Variants in PRPH2 observed in about 807,000 individuals in gnomAD.
The protein encoded by PRPH2 is peripherin 2, also known as peripherin-2.
A neutral mutation model predicts 31.3 loss-of-function variants in PRPH2; 17 were observed. The observed-to-expected ratio is 0.54, with a 90% CI of 0.37 to 0.81. The LOEUF is 0.81. Among genes scored for constraint, PRPH2 ranks in the 40% least tolerant of loss-of-function variants. The pLI, the probability that PRPH2 is intolerant of heterozygous loss-of-function variation, is 0.00. For missense variants in PRPH2, 430 were observed against 439.7 expected, an observed-to-expected ratio of 0.98 and a Z score of 0.20; for synonymous variants, 165 against 184.4, an observed-to-expected ratio of 0.89 and a Z score of 0.85.
Position 42,716,614 on chromosome 6 carries a change from T to TGG in PRPH2, c.581+5139_581+5140insCC, listed in dbSNP as rs1253997124. Among the ~76,000 whole-genome samples, 169 of 25,928 alleles carry TGG rather than the reference T, an allele frequency of 6.5e-3. 1 individual carries two copies. The highest frequency in any genetic ancestry group is 0.027 in the African/African-American group (161 of 5,886). 17.0% of individuals were successfully genotyped at this position (25,928 alleles called of 152,430 possible). ...TTTTGTTTGGTTTGGTTTGGTTGGT[T>TGG]TTTTTTTTTTTTTTTTTTTTTTTGA... On this transcript the variant is annotated intron_variant, in intron 1 of 2. Transcript: ENST00000230381.
At chr6:42,709,478 C>T (rs1800235921) in intron 1 of PRPH2, among the ~76,000 whole-genome samples, 1 of 152,176 alleles carries the variant, frequency 6.6e-6, no homozygotes, top group Non-Finnish European at 1.5e-5. Context: ...GCACCTGCTA[C>T]CTGCCAGCTG....
chr6:42,708,388 CCTT>C (rs1275970964), intron 1 of PRPH2, among the ~76,000 whole-genome samples: 2 of 152,234 alleles, frequency 1.3e-5, no homozygotes, highest in Non-Finnish European at 2.9e-5. Context: ...GCTCAGCTGT[CCTT>C]CTGCAGCCCC....
rs1243234861 is a variant in PRPH2, at chr6:42,709,339, A to AC, written c.582-4729_582-4728insG. Among the ~76,000 whole-genome samples, 162 of 140,910 alleles carry AC rather than the reference A, an allele frequency of 1.1e-3. 1 individual carries two copies. Among genetic ancestry groups the AC allele is most frequent in the African/African-American group, 3.9e-3 (151 of 39,212 alleles). 92.4% of individuals were successfully genotyped at this position (140,910 alleles called of 152,430 possible). ...AGTGAGACTCTGTCTCAAATTAAAA[A>AC]AAAAAAAAAAAAAAAACTTGGGTCC... On this transcript the variant is annotated intron_variant, in intron 1 of 2. Transcript: ENST00000230381.
chr6:42,715,369 C>G (rs1761756959), intron 1 of PRPH2, among the ~76,000 whole-genome samples: 1 of 151,866 alleles, frequency 6.6e-6, no homozygotes. Flanking sequence ...GGGCTACTCC[C>G]CTAAGACAGA....
Position 42,698,316 on chromosome 6 carries a change from G to T in PRPH2, c.1020C>A (p.Gly340=). 1.2e-6 allele frequency: 2 copies of T among 1,613,854 alleles called. No individual in the cohort carries two copies. The highest frequency in any genetic ancestry group is 1.7e-6 in the Non-Finnish European group (2 of 1,179,846). The change falls in exon 3 of 3, where the codon GGC becomes GGA. Residue 340 remains glycine, a synonymous_variant. Coordinates refer to ENST00000230381, the MANE Select transcript of PRPH2 (RefSeq NM_000322.5). The stretch of plus-strand genomic sequence containing the variant: ...GCCCTCAGCCAGCCTCTGGGGCCTG[G>T]CCTGCGTCTGCGCCCTCGGCTTCCA... The part of the protein sequence containing the change: ...NQVEAEGADA[G]QAPEAG
Position 42,721,753 on chromosome 6 carries a change from C to T in PRPH2, c.581+1G>A, listed in dbSNP as rs1761904690. On this transcript the variant is annotated splice_donor_variant, in intron 1 of 2. Transcript: ENST00000230381. LOFTEE classifies it high-confidence loss of function. ...TGACCCCAGGACTGGAAGCCACTCA[C>T]TCTTTGACTTCTTTGGAGGAAAAGT... 1 of 1,614,172 alleles carries T rather than the reference C, an allele frequency of 6.2e-7. No homozygotes were observed. The highest frequency in any genetic ancestry group is 8.5e-7 in the Non-Finnish European group (1 of 1,180,036).
intron 1 of PRPH2, among the ~76,000 whole-genome samples, chr6:42,705,281 A>G (rs1800132970): frequency 6.6e-6 from 1 of 152,058 alleles, no homozygotes; most frequent in African/African-American, 2.4e-5. Context: ...AGCGCTTACC[A>G]TACATTCACA....
chr6:42,699,044 CTTCTT>C (rs1800002118), intron 2 of PRPH2, among the ~76,000 whole-genome samples: 2 of 144,724 alleles, frequency 1.4e-5, no homozygotes, highest in Admixed American at 6.9e-5. Context: ...ATGTGTGGTA[CTTCTT>C]TTTTTTTTTT....
Position 42,704,492 on chromosome 6 carries a change from T to TA in PRPH2, c.700dup (p.Tyr234LeufsTer67), listed in dbSNP as rs61755812. On this transcript the variant is annotated frameshift_variant, in exon 2 of 3. Transcript: ENST00000230381. LOFTEE classifies it high-confidence loss of function. ...CTCCTCCGTCTGGTGGTCGTAACTG[T>TA]AGTGTGCTGAGTTGTTGGTGATCTG... The TA allele has an allele frequency of 1.2e-6, 2 of 1,614,102 alleles. No homozygotes were observed. Among genetic ancestry groups the TA allele is most frequent in the Non-Finnish European group, 1.7e-6 (2 of 1,180,002 alleles).
chr6:42,718,880 G>T (rs1291935429), intron 1 of PRPH2, among the ~76,000 whole-genome samples: 1 of 151,998 alleles, frequency 6.6e-6, no homozygotes, highest in African/African-American at 2.4e-5. Flanking sequence ...GCCCAGGCTG[G>T]TCTTGAACTC....
chr6:42,705,470 C>A (rs1800136800), intron 1 of PRPH2, among the ~76,000 whole-genome samples: 2 of 149,782 alleles, frequency 1.3e-5, no homozygotes, highest in African/African-American at 4.9e-5. Flanking sequence ...TGTCTGTAAT[C>A]CCAGCACTTT....
intron 1 of PRPH2, among the ~76,000 whole-genome samples, chr6:42,720,072 T>C (rs778998510): frequency 6.6e-5 from 10 of 152,052 alleles, no homozygotes; most frequent in Non-Finnish European, 1.2e-4. Flanking sequence ...TCCAAGTCAG[T>C]GGAGTTAGGA....
intron 1 of PRPH2, among the ~76,000 whole-genome samples, chr6:42,719,024 G>A (rs1416611461): frequency 6.6e-6 from 1 of 152,094 alleles, no homozygotes; most frequent in Non-Finnish European, 1.5e-5. Flanking sequence ...ATTTTTCTCA[G>A]GGAAATTTAG....
chr6:42,698,470 G>A lies in PRPH2; in HGVS notation c.866C>T (p.Ser289Leu), dbSNP rs62645939. The change falls in exon 3 of 3, where the codon TCG (serine) becomes TTG (leucine). Residue 289 changes from serine (S) to leucine (L), a missense_variant. Transcript: ENST00000230381. The part of the protein sequence containing the change: ...ITIGLRYLQT[S>L]LDGVSNPEES... ...CTCGGGGTTGGACACACCATCCAGC[G>A]ACGTCTGTAGGTAGCGCAGCCCAAT... The A allele has an allele frequency of 9.0e-4, 1,455 of 1,614,206 alleles. No individual in the cohort carries two copies. The highest frequency in any genetic ancestry group is 1.2e-3 in the Non-Finnish European group (1,374 of 1,180,038).
chr6:42,715,511 A>C (rs1429580969), intron 1 of PRPH2, among the ~76,000 whole-genome samples: 1 of 151,936 alleles, frequency 6.6e-6, no homozygotes, highest in Non-Finnish European at 1.5e-5. Flanking sequence ...TCTCTACTAA[A>C]AATACAAAAA....
intron 1 of PRPH2, 68 bp from the exon 2 acceptor site, chr6:42,704,679 C>T: frequency 3.1e-6 from 5 of 1,607,042 alleles, no homozygotes; most frequent in Admixed American, 3.3e-5. Context: ...TTCCTCCCAA[C>T]CCCTGCCTCT....
intron 1 of PRPH2, among the ~76,000 whole-genome samples, chr6:42,709,625 G>T (rs1256048550): frequency 6.6e-6 from 1 of 152,090 alleles, no homozygotes; most frequent in African/African-American, 2.4e-5. Flanking sequence ...CCACTCTGTG[G>T]GGCCAGGCCC....
intron 2 of PRPH2, among the ~76,000 whole-genome samples, chr6:42,699,266 A>T (rs1800007629): frequency 6.6e-6 from 1 of 151,624 alleles, no homozygotes; most frequent in Non-Finnish European, 1.5e-5. Flanking sequence ...TGGTTTCCCC[A>T]TGTTGCCAGC....
At chr6:42,717,049 C>T (rs1236687486) in intron 1 of PRPH2, among the ~76,000 whole-genome samples, 1 of 135,322 alleles carries the variant, frequency 7.4e-6, no homozygotes, top group Admixed American at 8.0e-5. Flanking sequence ...TCAAGGGATC[C>T]TCCTGTCTCA....
Sources: gnomAD v4.1 joint callset for allele counts (sites outside exome capture counted in the v4.1 genomes callset) on GRCh38, gnomAD v4.1.1 for gene constraint, MANE v1.5 for transcripts, NCBI Gene and HGNC (gene_info 2026-07-23, HGNC 2026-07-21) for gene names.